The following PGM1 variants were observed in gnomAD, a reference collection of about 807,000 sequenced individuals.
PGM1 encodes the protein phosphoglucomutase 1, also known as phosphoglucomutase-1.
In PGM1, 52 loss-of-function variants were observed where a neutral mutation model predicts 55.6. The ratio of observed to expected loss-of-function variants is 0.94; its 90% CI spans 0.75 to 1.18. The LOEUF is 1.18. Among genes scored for constraint, PGM1 ranks in the 50% most tolerant of loss-of-function variants. PGM1 has a pLI of 0.00. For synonymous variants in PGM1, 287 were observed against 271.7 expected (o/e 1.06, Z -0.55); for missense variants, 724 against 729.3 (o/e 0.99, Z 0.08).
chr1:63,633,918 G>GTATA (rs1557433667), intron 4 of PGM1, among the ~76,000 whole-genome samples: 2 of 26,756 alleles, frequency 7.5e-5, no homozygotes, highest in South Asian at 1.7e-3. Flanking sequence ...GTGTGTGTGT[G>GTATA]TATATATATA....
chr1:63,638,947 A>AT (rs1234680033), intron 7 of PGM1, 147 bp downstream of exon 7: 1 of 729,030 alleles, frequency 1.4e-6, no homozygotes, highest in African/African-American at 1.8e-5. Flanking sequence ...CCCTGATGAA[A>AT]TGTGCACATT....
chr1:63,660,093 A>T lies in PGM1; in HGVS notation c.*418A>T, dbSNP rs1014055941. The T allele has an allele frequency of 4.0e-6, 1 of 251,594 alleles. No individual in the cohort carries two copies. The highest frequency in any genetic ancestry group is 8.0e-6 in the Non-Finnish European group (1 of 125,100). The allele number at this position is 251,594 out of a possible 1,614,324, so 15.6% of individuals were successfully genotyped here. A position where few individuals can be genotyped will look rare whatever the true frequency, so the allele number is the denominator to read the frequency against. On this transcript the variant is annotated 3_prime_UTR_variant, in exon 11 of 11. Transcript: ENST00000371084. ...ATCTTTCCCCCCATTTCCTGTTTAC[A>T]TGTAACCCAACAAAATGCAATTTCT...
chr1:63,636,023 A>C (rs1042828448), intron 5 of PGM1, among the ~76,000 whole-genome samples: 18 of 152,240 alleles, frequency 1.2e-4, no homozygotes, highest in African/African-American at 4.1e-4. Context: ...TTAATTGAAA[A>C]CAGTTTTAAC....
chr1:63,644,235 A>G (rs1649595429), intron 7 of PGM1, among the ~76,000 whole-genome samples: 1 of 152,232 alleles, frequency 6.6e-6, no homozygotes, highest in Non-Finnish European at 1.5e-5. Flanking sequence ...GTGTTTGAAG[A>G]TGCTGAAAGG....
chr1:63,630,065 A>G lies in PGM1; in HGVS notation c.533A>G (p.Glu178Gly), dbSNP rs1376758790. The change falls in exon 3 of 11, where the codon GAA becomes GGA. Residue 178 changes from glutamate (E) to glycine (G), a missense_variant. Transcript: ENST00000371084. ...CTGGGAAAGCAGCAGTTTGACTTGG[A>G]AAATAAGTTCAAACCCTTCACAGGC... ...GVLGKQQFDL[E>G]NKFKPFTVEI... The G allele has an allele frequency of 6.2e-7, 1 of 1,613,944 alleles. No homozygotes were observed. Among genetic ancestry groups the G allele is most frequent in the Non-Finnish European group, 8.5e-7 (1 of 1,179,936 alleles).
At position 63,593,605 on chromosome 1, in the gene PGM1, C is replaced by A. The variant is rs572585457; in HGVS notation, c.117C>A (p.Phe39Leu). 6.2e-7 allele frequency: 1 copy of A among 1,613,500 alleles called. No individual in the cohort carries two copies. Among genetic ancestry groups the A allele is most frequent in the Non-Finnish European group, 8.5e-7 (1 of 1,179,848 alleles). Residue 39 changes from phenylalanine to leucine, a missense_variant, in exon 1 of 11, where the codon TTC becomes TTA. Physicochemically the swap from Phe to Leu is conservative, Grantham distance 22. This residue lies in a region of PGM1 where 379 missense variants were observed against 357.5 expected (regional missense o/e 1.06). Coordinates refer to ENST00000371084, the MANE Select transcript of PGM1 (RefSeq NM_002633.3). The stretch of plus-strand genomic sequence containing the variant: ...GCAGCGCCAACTACGCGGAGAACTT[C>A]ATCCAGAGTATCATCTCCACCGTGG... ...FQSSANYAENFIQSIISTVEP... is the reference protein window; with the variant it reads ...FQSSANYAENLIQSIISTVEP...
At chr1:63,602,426 A>G (rs1648269904) in intron 1 of PGM1, among the ~76,000 whole-genome samples, 1 of 152,230 alleles carries the variant, frequency 6.6e-6, no homozygotes, top group Non-Finnish European at 1.5e-5. Flanking sequence ...ATATCCATGT[A>G]TACCATATGG....
At chr1:63,654,560 G>T in intron 10 of PGM1, 94 bp downstream of exon 10, 2 of 1,234,366 alleles carry the variant, frequency 1.6e-6, no homozygotes, top group South Asian at 2.4e-5. Context: ...TTTCTCAAAT[G>T]ACTCAACAAG....
At chr1:63,638,936 A>G (rs1036850908) in intron 7 of PGM1, 136 bp downstream of exon 7, 35 of 746,848 alleles carry the variant, frequency 4.7e-5, no homozygotes. Context: ...ATTTATAACA[A>G]CCCTGATGAA....
chr1:63,648,764 C>A, intron 8 of PGM1, 112 bp downstream of exon 8: 1 of 1,116,956 alleles, frequency 9.0e-7, no homozygotes, highest in Non-Finnish European at 1.3e-6. Flanking sequence ...CTAGGTCATC[C>A]AGCCTCTCTC....
chr1:63,613,390 G>C (rs190879245), intron 1 of PGM1, among the ~76,000 whole-genome samples: 60 of 150,846 alleles, frequency 4.0e-4, no homozygotes, highest in Middle Eastern at 3.4e-3. Context: ...GTCTGAAATC[G>C]AGGTGACAGC....
In PGM1 at chr1:63,638,780, G is replaced by T. The variant is rs775253518; in HGVS notation, c.1124G>T (p.Gly375Val). 1 of 1,613,684 alleles carries T rather than the reference G, an allele frequency of 6.2e-7. No individual in the cohort carries two copies. Among genetic ancestry groups the T allele is most frequent in the Non-Finnish European group, 8.5e-7 (1 of 1,179,638 alleles). ...GACGCGAGCAAACTGTCCCTTTGTG[G>T]GGAGGAGAGCTTCGGGACCGGTAAG... is the stretch of plus-strand genomic sequence containing the variant. ...LMDASKLSLC[G>V]EESFGTGSDH... The change falls in exon 7 of 11, where the codon GGG becomes GTG. Residue 375 changes from glycine to valine, a missense_variant. Coordinates refer to ENST00000371084, the MANE Select transcript of PGM1 (RefSeq NM_002633.3).
intron 7 of PGM1, among the ~76,000 whole-genome samples, chr1:63,647,256 TTACATATATATA>T (rs1173532983): frequency 3.9e-4 from 20 of 51,602 alleles, no homozygotes; most frequent in African/African-American, 6.7e-4. Flanking sequence ...AAATAAAATT[TTACATATATATA>T]TATATATATA....
chr1:63,632,547 C>G (rs956731071), intron 4 of PGM1, among the ~76,000 whole-genome samples: 6 of 152,164 alleles, frequency 3.9e-5, no homozygotes, highest in African/African-American at 1.4e-4. Context: ...CTCTGGACTC[C>G]CATAGAATGG....
chr1:63,604,180 T>C (rs950836679), intron 1 of PGM1, among the ~76,000 whole-genome samples: 1 of 152,220 alleles, frequency 6.6e-6, no homozygotes, highest in African/African-American at 2.4e-5. Flanking sequence ...GTGAATTTGA[T>C]GTACACCACG....
intron 6 of PGM1, among the ~76,000 whole-genome samples, chr1:63,637,752 GA>G (rs1649400268): frequency 1.3e-5 from 2 of 152,134 alleles, no homozygotes; most frequent in Admixed American, 1.3e-4. Flanking sequence ...TGTCATCCAA[GA>G]ACAGTGTAAT....
rs117621476 is a variant in PGM1, at chr1:63,597,415, G to A, written c.246+3681G>A. Among the ~76,000 whole-genome samples, 36 of 152,288 alleles carry A rather than the reference G, an allele frequency of 2.4e-4. No homozygotes were observed. In the East Asian group the frequency reaches 4.0e-3, roughly 17 times the overall value. On this transcript the variant is annotated intron_variant, in intron 1 of 10. Coordinates refer to ENST00000371084, the MANE Select transcript of PGM1 (RefSeq NM_002633.3). ...ATTAGATGAAACAACATATTTACAAGTACCTCACTTGGAAACTGTTCGAAT... is the reference window on the plus strand; with the variant it reads ...ATTAGATGAAACAACATATTTACAAATACCTCACTTGGAAACTGTTCGAAT...
chr1:63,649,565 T>C (rs1411423860), intron 8 of PGM1, among the ~76,000 whole-genome samples: 3 of 152,224 alleles, frequency 2.0e-5, no homozygotes, highest in Non-Finnish European at 4.4e-5. Context: ...TTCTATAAAA[T>C]GGGTGAGTTA....
intron 1 of PGM1, among the ~76,000 whole-genome samples, chr1:63,610,881 A>G (rs746076790): frequency 2.0e-5 from 3 of 152,168 alleles, no homozygotes; most frequent in Non-Finnish European, 2.9e-5. Context: ...AAAGTAAGCA[A>G]AATTGATCCT....
Sources: gnomAD v4.1 joint callset for allele counts (sites outside exome capture counted in the v4.1 genomes callset) on GRCh38, gnomAD v4.1.1 for gene constraint, gnomAD v4.1.1 regional missense constraint, MANE v1.5 for transcripts, NCBI Gene and HGNC (gene_info 2026-07-23, HGNC 2026-07-21) for gene names.